The following KCNK10 variants were observed in gnomAD, a reference collection of about 807,000 sequenced individuals.
KCNK10 encodes potassium two pore domain channel subfamily K member 10, also known as potassium channel subfamily K member 10.
KCNK10 carries 25 observed loss-of-function variants against 47.7 expected under a neutral mutation model. The observed-to-expected ratio is 0.52, with a 90% CI of 0.38 to 0.73. KCNK10 has a LOEUF of 0.73. Among genes scored for constraint, KCNK10 ranks in the 30% least tolerant of loss-of-function variants. KCNK10 has a pLI of 0.00. For synonymous variants in KCNK10, 303 were observed against 285.6 expected, an observed-to-expected ratio of 1.06 and a Z score of -0.61; for missense variants, 563 against 714.5, an observed-to-expected ratio of 0.79 and a Z score of 2.42.
intron 4 of KCNK10, among the ~76,000 whole-genome samples, chr14:88,213,140 T>C (rs1361819661): frequency 6.6e-6 from 1 of 152,178 alleles, no homozygotes; most frequent in Non-Finnish European, 1.5e-5. Flanking sequence ...AGTGAACACA[T>C]AGATCACACA....
intron 3 of KCNK10, among the ~76,000 whole-genome samples, chr14:88,234,005 T>C (rs1031627602): frequency 1.8e-4 from 28 of 152,218 alleles, no homozygotes; most frequent in African/African-American, 6.8e-4. Context: ...TGGTGTACAA[T>C]AGATCCTCCT....
chr14:88,245,893 T>C (rs1467571294), intron 2 of KCNK10, among the ~76,000 whole-genome samples: 1 of 152,188 alleles, frequency 6.6e-6, no homozygotes, highest in African/African-American at 2.4e-5. Context: ...ATGGTCATTT[T>C]ACTAACAGAC....
At position 88,192,390 on chromosome 14, in the gene KCNK10, G is replaced by A. The variant is rs145499441; in HGVS notation, c.702C>T (p.Thr234=). The part of the protein sequence containing the change: ...KVFRKKQVSQ[T]KIRVISTILF... ...GGATGGTTGAGATGACCCGGATCTT[G>A]GTCTGACTCACTTGCTTTTTCTAGG... The change falls in exon 5 of 7, where the codon ACC becomes ACT. Residue 234 remains threonine (T), a synonymous_variant. Transcript: ENST00000319231. 2 of 1,613,746 alleles carry A rather than the reference G, an allele frequency of 1.2e-6. No homozygotes were observed. Among genetic ancestry groups the A allele is most frequent in the Non-Finnish European group, 1.7e-6 (2 of 1,179,902 alleles).
At chr14:88,268,412 G>GC (rs375932044) in intron 1 of KCNK10, among the ~76,000 whole-genome samples, 185 of 152,240 alleles carry the variant, frequency 1.2e-3, no homozygotes, top group African/African-American at 4.3e-3. Context: ...GCCCAACACA[G>GC]CCCCACTTCA....
Position 88,186,373 on chromosome 14 carries a change from C to T in KCNK10, c.1012-218G>A, listed in dbSNP as rs1266952536. On this transcript the variant is annotated intron_variant, in intron 6 of 6. Coordinates refer to ENST00000319231, the MANE Select transcript of KCNK10 (RefSeq NM_138317.3). The surrounding 1 kb of genome is among the most constrained non-coding windows in gnomAD (Gnocchi z 5.5). The stretch of plus-strand genomic sequence containing the variant: ...AAATAAGGTGGCTCAGGGAGACACA[C>T]GTGGTGGGCAACCCCAAGAAGCCTC... 1.3e-5 allele frequency among the ~76,000 whole-genome samples: 2 copies of T among 152,136 alleles called. No homozygotes were observed. Among genetic ancestry groups the T allele is most frequent in the African/African-American group, 2.4e-5 (1 of 41,422 alleles).
intron 1 of KCNK10, among the ~76,000 whole-genome samples, chr14:88,273,414 G>A (rs771492170): frequency 6.6e-6 from 1 of 152,074 alleles, no homozygotes; most frequent in Non-Finnish European, 1.5e-5. Flanking sequence ...TTTCTATCTC[G>A]GGCTGCCAGG....
At position 88,227,517 on chromosome 14, in the gene KCNK10, G is replaced by A. The variant is rs373044926; in HGVS notation, c.539C>T (p.Pro180Leu). 2.7e-5 allele frequency: 43 copies of A among 1,608,704 alleles called. No homozygotes were observed. The highest frequency in any genetic ancestry group is 2.4e-4 in the Admixed American group (14 of 58,934). ...ITTIGYGNIA[P>L]STEGGKIFCI... ...AAAGATTTTGCCTCCTTCAGTGCTC[G>A]GAGCAATATTCCCATACCCTGGTGA... Residue 180 changes from proline to leucine, a missense_variant, in exon 4 of 7, where the codon CCG (proline) becomes CTG (leucine). By Grantham distance (98) the Pro-to-Leu change is moderately conservative (BLOSUM62 -3). Coordinates refer to ENST00000319231, the MANE Select transcript of KCNK10 (RefSeq NM_138317.3).
At chr14:88,226,538 T>A (rs1885992535) in intron 4 of KCNK10, among the ~76,000 whole-genome samples, 1 of 152,116 alleles carries the variant, frequency 6.6e-6, no homozygotes, top group Admixed American at 6.5e-5. Flanking sequence ...TTTGAAAGAC[T>A]TGAGAATTAG....
In KCNK10 at chr14:88,180,789, T is replaced by C; in HGVS notation, c.*4746A>G. ...GTATGGATGGGTTGGTGAAGTCCAATGAAGGTATGGTGCAGAGACAGAGGA... is the reference window on the plus strand; with the variant it reads ...GTATGGATGGGTTGGTGAAGTCCAACGAAGGTATGGTGCAGAGACAGAGGA... On this transcript the variant is annotated 3_prime_UTR_variant, in exon 7 of 7. Transcript: ENST00000319231. 1 of 398,724 alleles carries C rather than the reference T, an allele frequency of 2.5e-6. No individual in the cohort carries two copies. The highest frequency in any genetic ancestry group is 4.4e-6 in the Non-Finnish European group (1 of 226,052). 24.7% of individuals were successfully genotyped at this position (398,724 alleles called of 1,614,324 possible).
intron 2 of KCNK10, among the ~76,000 whole-genome samples, chr14:88,241,551 T>A (rs1595099803): frequency 6.6e-6 from 1 of 152,232 alleles, no homozygotes; most frequent in East Asian, 1.9e-4. Flanking sequence ...CAATGACTCC[T>A]TGATGATAAC....
chr14:88,210,013 C>A (rs1392255754), intron 4 of KCNK10, among the ~76,000 whole-genome samples: 2 of 152,224 alleles, frequency 1.3e-5, no homozygotes, highest in Non-Finnish European at 2.9e-5. Context: ...ACAAGCTAGA[C>A]TTAACAAGTC....
intron 3 of KCNK10, among the ~76,000 whole-genome samples, chr14:88,239,702 T>A (rs148914526): frequency 2.6e-5 from 4 of 151,594 alleles, no homozygotes; most frequent in African/African-American, 9.7e-5. Context: ...CTACTAAAAA[T>A]ACAAAAATTA....
chr14:88,253,471 G>C (rs906464595), intron 2 of KCNK10, among the ~76,000 whole-genome samples: 1 of 151,882 alleles, frequency 6.6e-6, no homozygotes, highest in Non-Finnish European at 1.5e-5. Flanking sequence ...AACATCACGA[G>C]GTACCTCATA....
chr14:88,199,494 G>A (rs1356561729), intron 4 of KCNK10, among the ~76,000 whole-genome samples: 1 of 152,146 alleles, frequency 6.6e-6, no homozygotes. Context: ...TGTCTGGGAA[G>A]GACAAGAACC....
chr14:88,230,213 A>C (rs148109591), intron 3 of KCNK10, among the ~76,000 whole-genome samples: 3 of 152,316 alleles, frequency 2.0e-5, no homozygotes, highest in Non-Finnish European at 4.4e-5. Flanking sequence ...TCTGAGCAAT[A>C]TGTCTCCAGG....
At position 88,184,029 on chromosome 14, in the gene KCNK10, G is replaced by C. The variant is rs1185110504; in HGVS notation, c.*1506C>G. 1.3e-5 allele frequency: 2 copies of C among 152,364 alleles called. No individual in the cohort carries two copies. Among genetic ancestry groups the C allele is most frequent in the African/African-American group, 4.8e-5 (2 of 41,456 alleles). The allele number at this position is 152,364 out of a possible 1,614,324, so 9.4% of individuals were successfully genotyped here. A position where few individuals can be genotyped will look rare whatever the true frequency, so the allele number is the denominator to read the frequency against. On this transcript the variant is annotated 3_prime_UTR_variant, in exon 7 of 7. Coordinates refer to ENST00000319231, the MANE Select transcript of KCNK10 (RefSeq NM_138317.3). ...AATGCTTTCACGTGTGGCCCAAAGA[G>C]CTAGCTGTGAACCAGCCAATTATGA...
intron 4 of KCNK10, among the ~76,000 whole-genome samples, chr14:88,208,937 A>G (rs1485882836): frequency 6.6e-6 from 1 of 152,216 alleles, no homozygotes. Flanking sequence ...ATAATAATTT[A>G]GTATCAGTTC....
intron 1 of KCNK10, among the ~76,000 whole-genome samples, chr14:88,281,590 G>T (rs1296297934): frequency 1.3e-5 from 2 of 151,932 alleles, no homozygotes; most frequent in Admixed American, 1.3e-4. Context: ...CTGGTTCTCA[G>T]GCCTTCAGAC....
chr14:88,311,697 A>T (rs1004502289), intron 1 of KCNK10, among the ~76,000 whole-genome samples: 3 of 152,188 alleles, frequency 2.0e-5, no homozygotes, highest in African/African-American at 7.2e-5. Flanking sequence ...GGAAGAAATT[A>T]GGTGCATGAG....
Sources: allele counts gnomAD v4.1 joint callset (sites outside exome capture counted in the v4.1 genomes callset), GRCh38; gene constraint gnomAD v4.1.1; non-coding constraint Gnocchi (gnomAD v3.1); transcripts MANE v1.5; gene names NCBI Gene and HGNC (gene_info 2026-07-23, HGNC 2026-07-21).